Variants in GRIK4 observed in about 807,000 individuals in gnomAD.
GRIK4 encodes glutamate receptor ionotropic, kainate 4.
GRIK4 carries 40 observed loss-of-function variants against 104.9 expected under a neutral mutation model. The ratio of observed to expected loss-of-function variants is 0.38; its 90% CI spans 0.30 to 0.50. The LOEUF is 0.50. Among genes scored for constraint, GRIK4 ranks in the 20% least tolerant of loss-of-function variants. The pLI, the probability that GRIK4 is intolerant of heterozygous loss-of-function variation, is 0.93. For missense variants in GRIK4, 1,047 were observed against 1,308.1 expected (o/e 0.80, Z 3.08); for synonymous variants, 485 against 524.9 (o/e 0.92, Z 1.04).
chr11:120,746,931 C>T (rs1438372966), intron 3 of GRIK4, among the ~76,000 whole-genome samples: 2 of 152,202 alleles, frequency 1.3e-5, no homozygotes, highest in African/African-American at 2.4e-5. Flanking sequence ...AATCCTGACT[C>T]CACCACTGGT....
intron 13 of GRIK4, among the ~76,000 whole-genome samples, chr11:120,916,244 GA>G (rs998593659): frequency 6.6e-6 from 1 of 152,186 alleles, no homozygotes; most frequent in African/African-American, 2.4e-5. Flanking sequence ...GGAGTGCTAG[GA>G]GTTGAAGTCA....
intron 3 of GRIK4, among the ~76,000 whole-genome samples, chr11:120,774,511 G>A (rs1345726440): frequency 1.3e-5 from 2 of 152,126 alleles, no homozygotes; most frequent in Admixed American, 6.5e-5. Context: ...CCTTTTTGGG[G>A]GGACCTCAGT....
chr11:120,844,298 C>G (rs1048655691), intron 8 of GRIK4, among the ~76,000 whole-genome samples: 2 of 152,136 alleles, frequency 1.3e-5, no homozygotes, highest in South Asian at 4.1e-4. Flanking sequence ...CCTGACACCC[C>G]GCAAGGTTGA....
intron 3 of GRIK4, among the ~76,000 whole-genome samples, chr11:120,774,309 G>T (rs1232413996): frequency 2.0e-5 from 3 of 152,184 alleles, no homozygotes; most frequent in Admixed American, 1.3e-4. Flanking sequence ...GTTCTTTAGA[G>T]AAACAGAACC....
chr11:120,654,288 A>G (rs1275614551), intron 2 of GRIK4, among the ~76,000 whole-genome samples: 3 of 152,196 alleles, frequency 2.0e-5, no homozygotes, highest in Non-Finnish European at 4.4e-5. Context: ...CAGCTTCCTC[A>G]TTTGTGAAAT....
At position 120,874,231 on chromosome 11, in the gene GRIK4, TG is replaced by T. The variant is rs780675875; in HGVS notation, c.1059+14del. On this transcript the variant is annotated intron_variant, in intron 10 of 20. Coordinates refer to ENST00000527524, the MANE Select transcript of GRIK4 (RefSeq NM_014619.5). ...CTACCTGCGCATGGTGAGGAGCGGC[TG>T]AGGCCCTGCAGGGCTGTGCCCAGGC... The T allele has an allele frequency of 2.0e-5, 32 of 1,605,462 alleles. No individual in the cohort carries two copies. Among genetic ancestry groups the T allele is most frequent in the Middle Eastern group, 1.6e-4 (1 of 6,066 alleles).
chr11:120,667,763 T>G (rs1949941332), intron 3 of GRIK4, among the ~76,000 whole-genome samples: 1 of 152,158 alleles, frequency 6.6e-6, no homozygotes. Context: ...AGGGGTGTTG[T>G]GGAGAGGACA....
At chr11:120,807,596 C>G (rs1299236644) in intron 4 of GRIK4, among the ~76,000 whole-genome samples, 1 of 152,168 alleles carries the variant, frequency 6.6e-6, no homozygotes, top group Non-Finnish European at 1.5e-5. Context: ...AGAGCTGCCT[C>G]TGAGAAGTGA....
At chr11:120,926,481 T>G (rs902397578) in intron 13 of GRIK4, among the ~76,000 whole-genome samples, 3 of 152,174 alleles carry the variant, frequency 2.0e-5, no homozygotes, top group Non-Finnish European at 4.4e-5. Context: ...ACAAAGTATG[T>G]AATATTACTA....
chr11:120,548,824 C>T (rs1402694083), intron 1 of GRIK4, among the ~76,000 whole-genome samples: 2 of 152,190 alleles, frequency 1.3e-5, no homozygotes, highest in African/African-American at 2.4e-5. Flanking sequence ...ATCCATCACA[C>T]TCGCTCAGCA....
chr11:120,862,312 C>A, intron 9 of GRIK4, 192 bp downstream of exon 9: 2 of 557,332 alleles, frequency 3.6e-6, no homozygotes, highest in East Asian at 5.8e-5. Flanking sequence ...GAGCTGTAGA[C>A]AGCAGGGAGG....
intron 19 of GRIK4, among the ~76,000 whole-genome samples, chr11:120,969,596 ATG>A (rs1303126198): frequency 6.6e-6 from 1 of 151,978 alleles, no homozygotes; most frequent in Non-Finnish European, 1.5e-5. Context: ...GATTGGAAAC[ATG>A]TGACTGGACC....
intron 8 of GRIK4, among the ~76,000 whole-genome samples, chr11:120,847,035 T>C (rs1403968139): frequency 6.6e-6 from 1 of 152,190 alleles, no homozygotes; most frequent in Non-Finnish European, 1.5e-5. Flanking sequence ...ACCTGCTCCG[T>C]AGAGCCCTGA....
intron 3 of GRIK4, among the ~76,000 whole-genome samples, chr11:120,671,786 C>G (rs1267783078): frequency 6.6e-6 from 1 of 152,170 alleles, no homozygotes; most frequent in Non-Finnish European, 1.5e-5. Flanking sequence ...GTGTTTTAGT[C>G]ATGAAGTCTT....
intron 1 of GRIK4, among the ~76,000 whole-genome samples, chr11:120,626,516 A>G (rs898473309): frequency 5.3e-5 from 8 of 152,162 alleles, no homozygotes; most frequent in African/African-American, 1.9e-4. Context: ...AAAGCCGCAC[A>G]GGGTGGCTCT....
At chr11:120,608,600 C>A (rs1948991952) in intron 1 of GRIK4, among the ~76,000 whole-genome samples, 1 of 152,168 alleles carries the variant, frequency 6.6e-6, no homozygotes, top group Non-Finnish European at 1.5e-5. Context: ...AAGCAGTGAC[C>A]CCCCTTCTAA....
chr11:120,721,490 G>A (rs377398318), intron 3 of GRIK4, among the ~76,000 whole-genome samples: 5 of 152,122 alleles, frequency 3.3e-5, no homozygotes, highest in East Asian at 1.9e-4. Context: ...GCCACGCCAC[G>A]GGGAGCCACA....
chr11:120,573,180 C>T (rs948675380), intron 1 of GRIK4, among the ~76,000 whole-genome samples: 4 of 152,154 alleles, frequency 2.6e-5, no homozygotes, highest in African/African-American at 7.2e-5. Flanking sequence ...GAAGGACAAG[C>T]GGTCTGCTAG....
intron 3 of GRIK4, among the ~76,000 whole-genome samples, chr11:120,702,205 C>T (rs1337986404): frequency 2.6e-5 from 4 of 152,122 alleles, no homozygotes; most frequent in African/African-American, 7.2e-5. Context: ...CCGCAGGCCT[C>T]GGCCTCCCAA....
Sources: allele counts gnomAD v4.1 joint callset (sites outside exome capture counted in the v4.1 genomes callset), GRCh38; gene constraint gnomAD v4.1.1; transcripts MANE v1.5; gene names NCBI Gene and HGNC (gene_info 2026-07-23, HGNC 2026-07-21).